TMEM204: variants seen among roughly 807,000 people sequenced by gnomAD.
TMEM204 encodes transmembrane protein 204, also known as claudin-like protein 24.
In TMEM204, 15 loss-of-function variants were observed where a neutral mutation model predicts 19.4. That is an observed-to-expected ratio of 0.77 (90% confidence interval 0.52 to 1.19). The LOEUF is 1.19. Ranked by LOEUF, TMEM204 falls within the 50% of genes most tolerant of loss-of-function variation. The probability of loss-of-function intolerance (pLI) is 0.00; values close to 1 mark genes in which losing one functional copy is unlikely to be tolerated. For synonymous variants in TMEM204, 161 were observed against 146.0 expected (o/e 1.10, Z -0.74); for missense variants, 287 against 321.2 (o/e 0.89, Z 0.81).
Position 1,554,995 on chromosome 16 carries a change from T to C in TMEM204, c.650T>C (p.Leu217Pro), listed in dbSNP as rs753725789. Residue 217 changes from leucine to proline, a missense_variant, in exon 3 of 3, where the codon CTG becomes CCG. By Grantham distance (98) the Leu-to-Pro change is moderately conservative (BLOSUM62 -3). Coordinates refer to ENST00000566264, the MANE Select transcript of TMEM204 (RefSeq NM_024600.6). ...CTGACAGCGCGCTTTCGCCGTGGGC[T>C]GGACAATGACTACGTGGAGTCACCA... The part of the protein sequence containing the change: ...RSLTARFRRG[L>P]DNDYVESPC The C allele has an allele frequency of 6.8e-6, 11 of 1,613,294 alleles. No homozygotes were observed. The highest frequency in any genetic ancestry group is 2.2e-5 in the East Asian group (1 of 44,876).
intron 1 of TMEM204, 147 bp downstream of exon 1, chr16:1,534,702 A>C: frequency 8.3e-7 from 1 of 1,203,618 alleles, no homozygotes; most frequent in African/African-American, 1.5e-5. Context: ...AGGAGGGGGC[A>C]CTGTGTCTCC....
chr16:1,553,196 G>GTGTCTC lies in TMEM204; in HGVS notation c.437-1572_437-1567dup. 2.0e-6 allele frequency: 2 copies of GTGTCTC among 983,568 alleles called. No individual in the cohort carries two copies. The highest frequency in any genetic ancestry group is 2.4e-6 in the Non-Finnish European group (2 of 828,354). 60.9% of individuals were successfully genotyped at this position (983,568 alleles called of 1,614,324 possible). ...TCTTGCTCTCTGTCTCTCCTTCCCT[G>GTGTCTC]TGTCTCTGTCTCTGTCTCTCTCTGT... On this transcript the variant is annotated intron_variant, in intron 2 of 2. Coordinates refer to ENST00000566264, the MANE Select transcript of TMEM204 (RefSeq NM_024600.6). The surrounding 1 kb of genome is among the most constrained non-coding windows in gnomAD (Gnocchi z 4.4).
chr16:1,538,161 G>A (rs866365194), intron 1 of TMEM204, among the ~76,000 whole-genome samples: 17 of 152,220 alleles, frequency 1.1e-4, no homozygotes, highest in African/African-American at 4.1e-4. Context: ...GGGCAGGAGT[G>A]CCTCCTTCCT....
chr16:1,549,533 G>C (rs1273390612), intron 2 of TMEM204, among the ~76,000 whole-genome samples: 1 of 152,246 alleles, frequency 6.6e-6, no homozygotes, highest in Non-Finnish European at 1.5e-5. Context: ...CCGGGTTCAA[G>C]AAATTCTCCT....
rs773604691 is a variant in TMEM204, at chr16:1,542,004, G to T, written c.364G>T (p.Val122Leu). 4 of 1,611,442 alleles carry T rather than the reference G, an allele frequency of 2.5e-6. No individual in the cohort carries two copies. The highest frequency in any genetic ancestry group is 3.4e-6 in the Non-Finnish European group (4 of 1,179,676). The change falls in exon 2 of 3, where the codon GTG becomes TTG. Residue 122 changes from valine (V) to leucine (L), a missense_variant. Val to Leu is a conservative substitution (Grantham distance 32). Coordinates refer to ENST00000566264, the MANE Select transcript of TMEM204 (RefSeq NM_024600.6). ...CCAGCTCACCTTCCTCCTGGGGCTG[G>T]TGGGCCTGCCCCTGCTGTCACCCGA... ...AGQLTFLLGL[V>L]GLPLLSPDAP...
chr16:1,549,126 C>T (rs1326049264), intron 2 of TMEM204, among the ~76,000 whole-genome samples: 8 of 152,234 alleles, frequency 5.3e-5, no homozygotes, highest in East Asian at 1.9e-4. Flanking sequence ...GGCCTGGTGG[C>T]GCCTCTGGGT....
upstream of TMEM204, among the ~76,000 whole-genome samples, chr16:1,528,983 C>T (rs3784826): frequency 0.087 from 13,186 of 152,208 alleles, 797 homozygotes; most frequent in African/African-American, 0.16. Context: ...GCAATGGCTC[C>T]GAGATGGTAG....
chr16:1,530,000 C>A (rs1291323987), upstream of TMEM204, among the ~76,000 whole-genome samples: 4 of 152,208 alleles, frequency 2.6e-5, no homozygotes, highest in African/African-American at 9.7e-5. Context: ...AGACGTCTCA[C>A]TTCTCTAACA....
intron 1 of TMEM204, among the ~76,000 whole-genome samples, chr16:1,539,056 C>T (rs1322965853): frequency 6.7e-6 from 1 of 149,496 alleles, no homozygotes; most frequent in Non-Finnish European, 1.5e-5. Flanking sequence ...GATGGCCCCA[C>T]GCCTCAGGCC....
In TMEM204 at chr16:1,553,035, C is replaced by T. The variant is rs1465880585; in HGVS notation, c.437-1747C>T. On this transcript the variant is annotated intron_variant, in intron 2 of 2. Coordinates refer to ENST00000566264, the MANE Select transcript of TMEM204 (RefSeq NM_024600.6). This position sits in a 1 kb window ranked among gnomAD's most constrained non-coding sequence, Gnocchi z 4.4. ...TCCATGAAGTATTATAAAGAATGAA[C>T]ACAGAAACCAGTCACTGTCATTGTT... 1.0e-6 allele frequency: 1 copy of T among 985,270 alleles called. No individual in the cohort carries two copies. 61.0% of individuals were successfully genotyped at this position (985,270 alleles called of 1,614,324 possible).
Position 1,555,278 on chromosome 16 carries a change from C to G in TMEM204, c.*252C>G, listed in dbSNP as rs920287274. 1 of 497,122 alleles carries G rather than the reference C, an allele frequency of 2.0e-6. No individual in the cohort carries two copies. The highest frequency in any genetic ancestry group is 1.9e-5 in the African/African-American group (1 of 51,672). The allele number at this position is 497,122 out of a possible 1,614,324, so 30.8% of individuals were successfully genotyped here. A position where few individuals can be genotyped will look rare whatever the true frequency, so the allele number is the denominator to read the frequency against. ...AGCGCAACGCGGCTCCACGACCACA[C>G]GCACTTCAGGGTGGAAGCTGGAAGC... is the stretch of plus-strand genomic sequence containing the variant. On this transcript the variant is annotated 3_prime_UTR_variant, in exon 3 of 3. Transcript: ENST00000566264.
Position 1,540,390 on chromosome 16 carries a change from CCT to C in TMEM204, c.281-1530_281-1529del, listed in dbSNP as rs1280728366. Reference sequence around the variant, plus strand: ...AAAGCAGCCCGCATCCCCCACCACCCCTGAGCCTTGATGCCAGCGTGCCTGCC... The same window carrying C: ...AAAGCAGCCCGCATCCCCCACCACCCGAGCCTTGATGCCAGCGTGCCTGCC... On this transcript the variant is annotated intron_variant, in intron 1 of 2. Transcript: ENST00000566264. 2.6e-5 allele frequency among the ~76,000 whole-genome samples: 4 copies of C among 152,368 alleles called. No homozygotes were observed. The East Asian group carries it at 7.7e-4, about 29-fold the overall frequency.
upstream of TMEM204, among the ~76,000 whole-genome samples, chr16:1,530,392 A>C (rs2030338992): frequency 1.3e-5 from 2 of 151,814 alleles, no homozygotes; most frequent in African/African-American, 2.4e-5. Context: ...CGGTCTCCCA[A>C]AGTGCTTGGA....
At position 1,553,132 on chromosome 16, in the gene TMEM204, T is replaced by C; in HGVS notation, c.437-1650T>C. The C allele has an allele frequency of 2.0e-6, 2 of 985,392 alleles. No individual in the cohort carries two copies. Among genetic ancestry groups the C allele is most frequent in the South Asian group, 9.4e-5 (2 of 21,286 alleles). The allele number at this position is 985,392 out of a possible 1,614,324, so 61.0% of individuals were successfully genotyped here. ...GGGTACAGTGATGATGAAAAGATAA[T>C]GCTTGGGTTTTTAGGAAAAACAAGG... On this transcript the variant is annotated intron_variant, in intron 2 of 2. Transcript: ENST00000566264. This position sits in a 1 kb window ranked among gnomAD's most constrained non-coding sequence, Gnocchi z 4.4.
intron 1 of TMEM204, chr16:1,541,091 A>C (rs2031588231): frequency 2.0e-6 from 2 of 985,206 alleles, no homozygotes; most frequent in Non-Finnish European, 1.2e-6. Flanking sequence ...TCTGAAGTTC[A>C]CTCACAGAAG....
chr16:1,536,769 G>A (rs944097512), intron 1 of TMEM204, among the ~76,000 whole-genome samples: 5 of 152,030 alleles, frequency 3.3e-5, no homozygotes, highest in Admixed American at 2.0e-4. Flanking sequence ...CTTCACCGAC[G>A]TCCATCTGCA....
At position 1,551,968 on chromosome 16, in the gene TMEM204, C is replaced by G. The variant is rs1390514354; in HGVS notation, c.437-2814C>G. Among the ~76,000 whole-genome samples, 1 of 152,122 alleles carries G rather than the reference C, an allele frequency of 6.6e-6. No individual in the cohort carries two copies. The highest frequency in any genetic ancestry group is 1.5e-5 in the Non-Finnish European group (1 of 68,022). ...CTGGTGACGTGTGGCCCGCGCTGTC[C>G]CCCTGCAATGACGGTACCTCCAGGT... On this transcript the variant is annotated intron_variant, in intron 2 of 2. Coordinates refer to ENST00000566264, the MANE Select transcript of TMEM204 (RefSeq NM_024600.6). The surrounding 1 kb of genome is among the most constrained non-coding windows in gnomAD (Gnocchi z 4.0).
In TMEM204 at chr16:1,554,822, T is replaced by C. The variant is rs1445410554; in HGVS notation, c.477T>C (p.Ile159=). Residue 159 remains isoleucine, a synonymous_variant, in exon 3 of 3, where the codon ATT becomes ATC. Transcript: ENST00000566264. ...LVIGLVTFYR[I]GPYTNLSWSC... ...TCGGGCTCGTGACTTTCTACAGAAT[T>C]GGCCCATACACCAACCTGTCCTGGT... 1 of 1,614,212 alleles carries C rather than the reference T, an allele frequency of 6.2e-7. No homozygotes were observed. The highest frequency in any genetic ancestry group is 2.2e-5 in the East Asian group (1 of 44,888).
chr16:1,553,556 G>A lies in TMEM204; in HGVS notation c.437-1226G>A. 1.0e-6 allele frequency: 1 copy of A among 1,002,752 alleles called. No homozygotes were observed. The highest frequency in any genetic ancestry group is 1.2e-6 in the Non-Finnish European group (1 of 839,306). 62.1% of individuals were successfully genotyped at this position (1,002,752 alleles called of 1,614,324 possible). On this transcript the variant is annotated intron_variant, in intron 2 of 2. Coordinates refer to ENST00000566264, the MANE Select transcript of TMEM204 (RefSeq NM_024600.6). This position sits in a 1 kb window ranked among gnomAD's most constrained non-coding sequence, Gnocchi z 4.4. ...TCCTCTATGGACAAGAGGGGCTGGA[G>A]AGTTTAATCTGGACCAGTGTAAGTT...
Sources: allele counts gnomAD v4.1 joint callset (sites outside exome capture counted in the v4.1 genomes callset), GRCh38; gene constraint gnomAD v4.1.1; non-coding constraint Gnocchi (gnomAD v3.1); transcripts MANE v1.5; gene names NCBI Gene and HGNC (gene_info 2026-07-23, HGNC 2026-07-21).